The following METTL24 variants were observed in gnomAD, a reference collection of about 807,000 sequenced individuals.
METTL24 encodes the protein probable methyltransferase-like protein 24.
A neutral mutation model predicts 32.7 loss-of-function variants in METTL24; 29 were observed. The ratio of observed to expected loss-of-function variants is 0.89; its 90% confidence interval spans 0.66 to 1.21. The LOEUF (loss-of-function observed/expected upper bound fraction) is 1.21. Among genes scored for constraint, METTL24 ranks in the 50% most tolerant of loss-of-function variants. The pLI is 0.00. For missense variants in METTL24, 439 were observed against 468.1 expected (o/e 0.94, Z 0.57); for synonymous variants, 163 against 179.5 (o/e 0.91, Z 0.73).
chr6:110,337,596 A>G (rs1286347841), intron 1 of METTL24, among the ~76,000 whole-genome samples: 2 of 152,314 alleles, frequency 1.3e-5, no homozygotes, highest in East Asian at 3.9e-4. Flanking sequence ...ATAACCAAGG[A>G]CAAGTCAGTG....
At chr6:110,304,504 C>T (rs923378562) in intron 3 of METTL24, among the ~76,000 whole-genome samples, 5 of 152,020 alleles carry the variant, frequency 3.3e-5, no homozygotes, top group Non-Finnish European at 7.4e-5. Context: ...AAACACAGCA[C>T]GAGAACTTCA....
rs1771910874 is a variant in METTL24, at chr6:110,320,426, A to C, written c.417+2348T>G. On this transcript the variant is annotated intron_variant, in intron 2 of 4. Coordinates refer to ENST00000338882, the MANE Select transcript of METTL24 (RefSeq NM_001123364.3). ...AGGGGGAGGGAGCATTGGTTAGTAA[A>C]AGATTCTGATTAAGAACCATTTAGT... 1.3e-5 allele frequency among the ~76,000 whole-genome samples: 2 copies of C among 152,170 alleles called. 1 individual carries two copies. The highest frequency in any genetic ancestry group is 4.1e-4 in the South Asian group (2 of 4,822).
intron 4 of METTL24, among the ~76,000 whole-genome samples, chr6:110,253,230 T>TAG (rs977954440): frequency 9.2e-5 from 14 of 151,992 alleles, no homozygotes; most frequent in African/African-American, 2.4e-5. Flanking sequence ...TCAATAGGAA[T>TAG]AGAGAGAGAG....
rs565710278 is a variant in METTL24, at chr6:110,332,625, C to T, written c.319-9753G>A. The T allele has an allele frequency of 7.2e-5, 20 of 279,114 alleles. No individual in the cohort carries two copies. The South Asian group carries it at 1.2e-3, about 17-fold the overall frequency. The allele number at this position is 279,114 out of a possible 1,614,324, so 17.3% of individuals were successfully genotyped here. A position where few individuals can be genotyped will look rare whatever the true frequency, so the allele number is the denominator to read the frequency against. On this transcript the variant is annotated intron_variant, in intron 1 of 4. Transcript: ENST00000338882. ...AAAGTAAGTTTATATAAGAATGTTT[C>T]GGCCAGGCACGGTGGTTCAGGCCTG...
intron 4 of METTL24, among the ~76,000 whole-genome samples, chr6:110,260,720 A>T (rs1770702243): frequency 6.6e-6 from 1 of 152,146 alleles, no homozygotes; most frequent in African/African-American, 2.4e-5. Context: ...AGAGAGAAAG[A>T]TTGGATTACC....
At chr6:110,286,323 C>T (rs997513346) in intron 4 of METTL24, among the ~76,000 whole-genome samples, 5 of 152,164 alleles carry the variant, frequency 3.3e-5, no homozygotes, top group Admixed American at 6.5e-5. Context: ...ATCTTCACAT[C>T]ACCTGGGTTA....
At chr6:110,323,825 C>T (rs1038675937) in intron 1 of METTL24, among the ~76,000 whole-genome samples, 1 of 152,058 alleles carries the variant, frequency 6.6e-6, no homozygotes, top group Admixed American at 6.5e-5. Context: ...GGCGTCATAG[C>T]ATAGGTTTCC....
At chr6:110,247,582 C>G (rs921299920) in intron 4 of METTL24, among the ~76,000 whole-genome samples, 4 of 152,178 alleles carry the variant, frequency 2.6e-5, no homozygotes, top group African/African-American at 9.6e-5. Flanking sequence ...TGACAGCATT[C>G]AGACATAAAC....
chr6:110,294,437 T>A (rs1771374802), intron 4 of METTL24, among the ~76,000 whole-genome samples: 1 of 151,696 alleles, frequency 6.6e-6, no homozygotes, highest in Non-Finnish European at 1.5e-5. Flanking sequence ...ACTTTTTAAA[T>A]CTAAAGGTAA....
intron 4 of METTL24, among the ~76,000 whole-genome samples, chr6:110,256,008 C>T (rs941654261): frequency 2.6e-5 from 4 of 152,050 alleles, no homozygotes; most frequent in South Asian, 2.1e-4. Flanking sequence ...TTAGTTTTTG[C>T]TTGTGTTTTA....
chr6:110,264,783 T>G (rs895724458), intron 4 of METTL24, among the ~76,000 whole-genome samples: 9 of 152,174 alleles, frequency 5.9e-5, no homozygotes, highest in African/African-American at 2.2e-4. Context: ...CATGGAATAC[T>G]ATGCAGCCAT....
chr6:110,276,371 A>G (rs1221222961), intron 4 of METTL24, among the ~76,000 whole-genome samples: 1 of 152,198 alleles, frequency 6.6e-6, no homozygotes, highest in African/African-American at 2.4e-5. Flanking sequence ...AGATCCCTTG[A>G]GCCTAGGAGT....
At chr6:110,325,713 T>C (rs184947074) in intron 1 of METTL24, among the ~76,000 whole-genome samples, 1 of 152,186 alleles carries the variant, frequency 6.6e-6, no homozygotes, top group East Asian at 1.9e-4. Flanking sequence ...CTTTGAAGGG[T>C]GAGAAAAATG....
rs201857691 is a variant in METTL24 at position 110,295,793 on chromosome 6, G to GA, written c.786+3128dup. Among the ~76,000 whole-genome samples, 611 of 139,856 alleles carry GA rather than the reference G, an allele frequency of 4.4e-3. 8 individuals carry two copies. The highest frequency in any genetic ancestry group is 0.017 in the African/African-American group (573 of 33,066). 91.8% of individuals were successfully genotyped at this position (139,856 alleles called of 152,430 possible). On this transcript the variant is annotated intron_variant, in intron 4 of 4. Coordinates refer to ENST00000338882, the MANE Select transcript of METTL24 (RefSeq NM_001123364.3). Reference sequence around the variant, plus strand: ...TTCCCCGGGAAAGAAAAGAAAGAAAGAAAGGAAGGAAGGAAGGAAGGAAGG... The same window carrying GA: ...TTCCCCGGGAAAGAAAAGAAAGAAAGAAAAGGAAGGAAGGAAGGAAGGAAGG...
intron 1 of METTL24, among the ~76,000 whole-genome samples, chr6:110,331,345 T>G (rs1190982954): frequency 6.9e-6 from 1 of 145,368 alleles, no homozygotes; most frequent in Non-Finnish European, 1.5e-5. Context: ...AAGAATGCAG[T>G]GCAGGAAAAA....
intron 1 of METTL24, among the ~76,000 whole-genome samples, chr6:110,340,991 C>T (rs1346636388): frequency 6.6e-6 from 1 of 151,906 alleles, no homozygotes; most frequent in African/African-American, 2.4e-5. Flanking sequence ...TCTCACATTC[C>T]TGTATGGTTT....
chr6:110,269,693 T>C (rs1457685951), intron 4 of METTL24, among the ~76,000 whole-genome samples: 2 of 152,220 alleles, frequency 1.3e-5, no homozygotes, highest in African/African-American at 4.8e-5. Flanking sequence ...TAACATCCAC[T>C]GATTCACACT....
intron 1 of METTL24, among the ~76,000 whole-genome samples, chr6:110,354,041 T>A (rs1772660158): frequency 1.3e-5 from 2 of 152,280 alleles, no homozygotes; most frequent in South Asian, 4.1e-4. Context: ...AATTTGGAGA[T>A]GAAGAGTCCC....
At chr6:110,282,284 A>G (rs1453723359) in intron 4 of METTL24, among the ~76,000 whole-genome samples, 2 of 152,162 alleles carry the variant, frequency 1.3e-5, no homozygotes, top group African/African-American at 4.8e-5. Context: ...AAGGCAATAA[A>G]ATATACCAAA....
Sources: allele counts gnomAD v4.1 joint callset (sites outside exome capture counted in the v4.1 genomes callset), GRCh38; gene constraint gnomAD v4.1.1; transcripts MANE v1.5; gene names NCBI Gene and HGNC (gene_info 2026-07-23, HGNC 2026-07-21).